The following CAMK1D variants were observed in gnomAD, a reference collection of about 807,000 sequenced individuals.
The protein encoded by CAMK1D is calcium/calmodulin-dependent protein kinase type 1D.
Under a neutral mutation model 47.7 loss-of-function variants are expected in CAMK1D, and 9 were observed. The observed-to-expected ratio is 0.19, with a 90% CI of 0.11 to 0.33. The LOEUF (loss-of-function observed/expected upper bound fraction) is 0.33, where lower values mean the gene tolerates loss of function less well. Ranked by LOEUF, CAMK1D falls within the 10% of genes least tolerant of loss-of-function variation. The pLI is 1.00. For synonymous variants in CAMK1D, 184 were observed against 184.9 expected (o/e 0.99, Z 0.04); for missense variants, 291 against 488.7 (o/e 0.60, Z 3.81).
At chr10:12,490,200 C>T (rs1834340974) in intron 1 of CAMK1D, among the ~76,000 whole-genome samples, 1 of 152,200 alleles carries the variant, frequency 6.6e-6, no homozygotes, top group African/African-American at 2.4e-5. Context: ...TTACTTGGGC[C>T]TGGGAAGTCA....
At chr10:12,486,703 G>C (rs1246064062) in intron 1 of CAMK1D, among the ~76,000 whole-genome samples, 1 of 152,192 alleles carries the variant, frequency 6.6e-6, no homozygotes, top group African/African-American at 2.4e-5. Flanking sequence ...TGGAATTTGG[G>C]GTCTCTCTCA....
intron 2 of CAMK1D, among the ~76,000 whole-genome samples, chr10:12,605,337 A>AGAGT (rs1838421595): frequency 6.9e-6 from 1 of 145,102 alleles, no homozygotes; most frequent in African/African-American, 2.6e-5. Flanking sequence ...AAACCATTCA[A>AGAGT]GTGTGTGTGT....
intron 1 of CAMK1D, among the ~76,000 whole-genome samples, chr10:12,427,698 C>CTTT (rs1588474191): frequency 3.7e-5 from 1 of 27,388 alleles, no homozygotes; most frequent in Non-Finnish European, 8.3e-5. Flanking sequence ...ACTGAACTTA[C>CTTT]TGTTTTTTTT....
intron 1 of CAMK1D, among the ~76,000 whole-genome samples, chr10:12,506,680 G>A (rs112096389): frequency 0.025 from 3,767 of 152,112 alleles, 73 homozygotes; most frequent in Non-Finnish European, 0.04. Context: ...CACCACGCCC[G>A]GCTAGTTTTT....
At position 12,517,912 on chromosome 10, in the gene CAMK1D, G is replaced by T. The variant is rs371207991; in HGVS notation, c.93-35313G>T. ...GAATCCTTGACTTACAAAATGAGTTGCAAAGTATTTCCTTCTCTTCTGTTT... is the reference window on the plus strand; with the variant it reads ...GAATCCTTGACTTACAAAATGAGTTTCAAAGTATTTCCTTCTCTTCTGTTT... On this transcript the variant is annotated intron_variant, in intron 1 of 10. Coordinates refer to ENST00000619168, the MANE Select transcript of CAMK1D (RefSeq NM_153498.4). Among the ~76,000 whole-genome samples, 84 of 152,232 alleles carry T rather than the reference G, an allele frequency of 5.5e-4. No individual in the cohort carries two copies. The South Asian group carries it at 0.017, about 31-fold the overall frequency.
intron 3 of CAMK1D, among the ~76,000 whole-genome samples, chr10:12,737,327 T>C (rs1417483765): frequency 6.6e-6 from 1 of 152,138 alleles, no homozygotes; most frequent in Non-Finnish European, 1.5e-5. Flanking sequence ...CTGTGCTTCA[T>C]ACCAGAAGGA....
At chr10:12,383,961 G>A (rs952284061) in intron 1 of CAMK1D, among the ~76,000 whole-genome samples, 1 of 152,002 alleles carries the variant, frequency 6.6e-6, no homozygotes, top group Admixed American at 6.6e-5. Context: ...AAAATCCTAA[G>A]GAATCACCTA....
intron 3 of CAMK1D, among the ~76,000 whole-genome samples, chr10:12,725,506 T>C (rs1168506394): frequency 6.6e-6 from 1 of 152,204 alleles, no homozygotes; most frequent in Non-Finnish European, 1.5e-5. Context: ...ACATGATTTC[T>C]AAAAAGATGA....
intron 1 of CAMK1D, among the ~76,000 whole-genome samples, chr10:12,439,564 C>G (rs576434514): frequency 6.6e-6 from 1 of 152,174 alleles, no homozygotes; most frequent in African/African-American, 2.4e-5. Flanking sequence ...ATGTGCACAT[C>G]GGTGAAGGGT....
At chr10:12,658,272 A>G (rs1840174128) in intron 2 of CAMK1D, among the ~76,000 whole-genome samples, 1 of 152,172 alleles carries the variant, frequency 6.6e-6, no homozygotes, top group South Asian at 2.1e-4. Flanking sequence ...GTATTTTCGT[A>G]AGAAGACAGG....
At chr10:12,774,712 C>G (rs1475126762) in intron 5 of CAMK1D, among the ~76,000 whole-genome samples, 1 of 152,174 alleles carries the variant, frequency 6.6e-6, no homozygotes, top group Non-Finnish European at 1.5e-5. Context: ...GGTGGGCATT[C>G]CTGCCTGAGC....
chr10:12,625,367 A>G (rs954161874), intron 2 of CAMK1D, among the ~76,000 whole-genome samples: 7 of 150,272 alleles, frequency 4.7e-5, no homozygotes, highest in African/African-American at 1.7e-4. Flanking sequence ...GTAAAGAAAC[A>G]GTTATCCAGG....
At chr10:12,786,860 C>T (rs1025265980) in intron 5 of CAMK1D, among the ~76,000 whole-genome samples, 2 of 152,226 alleles carry the variant, frequency 1.3e-5, no homozygotes, top group African/African-American at 2.4e-5. Flanking sequence ...TGGTGGCTCA[C>T]GCCTGTAATC....
chr10:12,819,440 GCCT>G (rs1208881677), intron 8 of CAMK1D, among the ~76,000 whole-genome samples: 2 of 152,226 alleles, frequency 1.3e-5, no homozygotes, highest in Non-Finnish European at 2.9e-5. Flanking sequence ...GCCTGGCCTG[GCCT>G]GCTCGGCTCT....
Position 12,407,462 on chromosome 10 carries a change from A to G in CAMK1D, c.92+57552A>G, listed in dbSNP as rs185395198. On this transcript the variant is annotated intron_variant, in intron 1 of 10. Coordinates refer to ENST00000619168, the MANE Select transcript of CAMK1D (RefSeq NM_153498.4). ...CGCCCCCATGGTTGCCTTCTCCCCC[A>G]TCCCTGTCTGCTCTGCTGAGCCACA... is the stretch of plus-strand genomic sequence containing the variant. Among the ~76,000 whole-genome samples, 24 of 152,096 alleles carry G rather than the reference A, an allele frequency of 1.6e-4. 1 individual carries two copies. In the East Asian group the frequency reaches 4.2e-3, roughly 27 times the overall value.
chr10:12,425,471 G>A (rs1341336844), intron 1 of CAMK1D, among the ~76,000 whole-genome samples: 1 of 151,902 alleles, frequency 6.6e-6, no homozygotes, highest in Non-Finnish European at 1.5e-5. Flanking sequence ...TAGTAGAGAC[G>A]GGGTTTCACC....
At chr10:12,392,696 A>G (rs1838778553) in intron 1 of CAMK1D, among the ~76,000 whole-genome samples, 1 of 152,178 alleles carries the variant, frequency 6.6e-6, no homozygotes, top group Non-Finnish European at 1.5e-5. Context: ...TTTTGAGAGC[A>G]TATACATTGT....
At chr10:12,615,851 T>C (rs1838783135) in intron 2 of CAMK1D, among the ~76,000 whole-genome samples, 1 of 87,950 alleles carries the variant, frequency 1.1e-5, no homozygotes, top group Non-Finnish European at 2.7e-5. Context: ...TGTATAGGTG[T>C]AGGTGTGTAT....
At chr10:12,571,472 GA>G (rs1171267177) in intron 2 of CAMK1D, among the ~76,000 whole-genome samples, 1 of 119,998 alleles carries the variant, frequency 8.3e-6, no homozygotes, top group African/African-American at 3.1e-5. Context: ...AAAAAAAAAA[GA>G]AAAAAAAGAA....
Sources: gnomAD v4.1 joint callset for allele counts (sites outside exome capture counted in the v4.1 genomes callset) on GRCh38, gnomAD v4.1.1 for gene constraint, MANE v1.5 for transcripts, NCBI Gene and HGNC (gene_info 2026-07-23, HGNC 2026-07-21) for gene names.